ATP6V0B: variants seen among roughly 807,000 people sequenced by gnomAD.
The protein encoded by ATP6V0B is V-type proton ATPase 21 kDa proteolipid subunit c''.
Under a neutral mutation model 26.2 loss-of-function variants are expected in ATP6V0B, and 4 were observed. The observed-to-expected ratio is 0.15, with a 90% CI of 0.08 to 0.35. ATP6V0B has a LOEUF of 0.35. ATP6V0B is among the 10% of genes least tolerant of loss of function. The probability of loss-of-function intolerance (pLI) is 1.00; values close to 1 mark genes in which losing one functional copy is unlikely to be tolerated. For synonymous variants in ATP6V0B, 110 were observed against 105.8 expected (o/e 1.04, Z -0.24); for missense variants, 175 against 272.5 (o/e 0.64, Z 2.52).
chr1:43,976,793 C>T lies in ATP6V0B; in HGVS notation c.369C>T (p.Pro123=). The part of the protein sequence containing the change: ...NMAEPFSATD[P]KAIGHRNYHA... Reference sequence around the variant, plus strand: ...CTCAGCCTTTCAGTGCCACAGACCCCAAGGCCATCGGCCATCGGAACTACC... The same window carrying T: ...CTCAGCCTTTCAGTGCCACAGACCCTAAGGCCATCGGCCATCGGAACTACC... Residue 123 remains proline, a synonymous_variant, in exon 6 of 8, where the codon CCC becomes CCT. Transcript: ENST00000472174. This position sits in a 1 kb window ranked among gnomAD's most constrained non-coding sequence, Gnocchi z 4.6. The T allele has an allele frequency of 6.2e-7, 1 of 1,614,246 alleles. No individual in the cohort carries two copies. Among genetic ancestry groups the T allele is most frequent in the South Asian group, 1.1e-5 (1 of 91,088 alleles).
rs1317769639 is a variant in ATP6V0B at position 43,976,878 on chromosome 1, C to T, written c.400+54C>T. On this transcript the variant is annotated intron_variant, in intron 6 of 7. Coordinates refer to ENST00000472174, the MANE Select transcript of ATP6V0B (RefSeq NM_004047.5). The surrounding 1 kb of genome is among the most constrained non-coding windows in gnomAD (Gnocchi z 4.6). ...TGCTGGGACTTCATGCCTGCTTCCA[C>T]TCTCCCCCATCCCAGCTTGGGCCAT... The T allele has an allele frequency of 6.2e-7, 1 of 1,608,170 alleles. No individual in the cohort carries two copies. Among genetic ancestry groups the T allele is most frequent in the East Asian group, 2.2e-5 (1 of 44,882 alleles).
In ATP6V0B at chr1:43,976,775, T is replaced by A. The variant is rs2085524878; in HGVS notation, c.351T>A (p.Pro117=). ...MAIVISNMAE[P]FSATDPKAIG... is the part of the protein sequence containing the mutation. ...GATTACTTTTCTTCTTCCCTCAGCC[T>A]TTCAGTGCCACAGACCCCAAGGCCA... Residue 117 remains proline, a splice_region_variant and synonymous_variant, in exon 6 of 8, where the codon CCT becomes CCA. Coordinates refer to ENST00000472174, the MANE Select transcript of ATP6V0B (RefSeq NM_004047.5). This position sits in a 1 kb window ranked among gnomAD's most constrained non-coding sequence, Gnocchi z 4.6. 3 of 1,614,186 alleles carry A rather than the reference T, an allele frequency of 1.9e-6. No homozygotes were observed. Among genetic ancestry groups the A allele is most frequent in the Non-Finnish European group, 2.5e-6 (3 of 1,180,026 alleles).
At chr1:43,975,409 C>T (rs2085506814) in intron 1 of ATP6V0B, 2 of 551,416 alleles carry the variant, frequency 3.6e-6, no homozygotes, top group Non-Finnish European at 6.4e-6. Flanking sequence ...CCTGACCGGC[C>T]CGCTCGGTCA....
chr1:43,975,256 C>G (rs2085504569), intron 1 of ATP6V0B, 149 bp downstream of exon 1: 1 of 1,040,616 alleles, frequency 9.6e-7, no homozygotes, highest in East Asian at 3.0e-5. Context: ...GGGCCTCTGA[C>G]TCCGACAAAG....
In ATP6V0B at chr1:43,976,556, T is replaced by C; in HGVS notation, c.279-34T>C. On this transcript the variant is annotated intron_variant, in intron 4 of 7. Coordinates refer to ENST00000472174, the MANE Select transcript of ATP6V0B (RefSeq NM_004047.5). The surrounding 1 kb of genome is among the most constrained non-coding windows in gnomAD (Gnocchi z 4.6). ...GTTTCTTTCTCATTTCTTTCTCCTT[T>C]CCACTCCTTACCCCTAATCTCTACC... is the stretch of plus-strand genomic sequence containing the variant. 1 of 1,610,616 alleles carries C rather than the reference T, an allele frequency of 6.2e-7. No individual in the cohort carries two copies. Among genetic ancestry groups the C allele is most frequent in the Non-Finnish European group, 8.5e-7 (1 of 1,176,888 alleles).
At position 43,976,730 on chromosome 1, in the gene ATP6V0B, G is replaced by A. The variant is rs767136073; in HGVS notation, c.349-43G>A. 1.9e-6 allele frequency: 3 copies of A among 1,613,706 alleles called. No homozygotes were observed. Among genetic ancestry groups the A allele is most frequent in the African/African-American group, 1.3e-5 (1 of 75,006 alleles). On this transcript the variant is annotated intron_variant, in intron 5 of 7. Transcript: ENST00000472174. The surrounding 1 kb of genome is among the most constrained non-coding windows in gnomAD (Gnocchi z 4.6). ...TACACATTCCTTAGAGATTGGATGG[G>A]GTGCATCAGGATGGTTTCTGATTAC...
Position 43,978,231 on chromosome 1 carries a change from C to T in ATP6V0B, c.*224C>T. 1.6e-6 allele frequency: 1 copy of T among 618,202 alleles called. No homozygotes were observed. Among genetic ancestry groups the T allele is most frequent in the Non-Finnish European group, 2.9e-6 (1 of 348,244 alleles). The allele number at this position is 618,202 out of a possible 1,614,324, so 38.3% of individuals were successfully genotyped here. On this transcript the variant is annotated 3_prime_UTR_variant, in exon 8 of 8. Coordinates refer to ENST00000472174, the MANE Select transcript of ATP6V0B (RefSeq NM_004047.5). ...TCTGTGCAGCTGCGCACCTGTGTCC[C>T]CCACCTCCACCCTCAACCCATCTTC...
At chr1:43,975,584 G>C (rs1457225391) in intron 1 of ATP6V0B, 1 of 622,678 alleles carries the variant, frequency 1.6e-6, no homozygotes, top group East Asian at 2.8e-5. Context: ...CCCTGCCTGC[G>C]CAGGTGCTTG....
chr1:43,975,097 G>A lies in ATP6V0B; in HGVS notation c.57G>A (p.Ala19=). ...TCTTCGTGGCCTTCTGGGCCTGCGCGCTGGCCGTGGGTGAGGCCGGGTCCT... is the reference window on the plus strand; with the variant it reads ...TCTTCGTGGCCTTCTGGGCCTGCGCACTGGCCGTGGGTGAGGCCGGGTCCT... ...SGVFVAFWAC[A]LAVGVCYTIF... The change falls in exon 1 of 8, where the codon GCG becomes GCA. Residue 19 remains alanine, a synonymous_variant. Transcript: ENST00000472174. 2 of 1,407,272 alleles carry A rather than the reference G, an allele frequency of 1.4e-6. No homozygotes were observed. Among genetic ancestry groups the A allele is most frequent in the Non-Finnish European group, 1.8e-6 (2 of 1,086,426 alleles). The allele number at this position is 1,407,272 out of a possible 1,614,324, so 87.2% of individuals were successfully genotyped here.
At chr1:43,975,356 T>G (rs2085506234) in intron 1 of ATP6V0B, 4 of 575,060 alleles carry the variant, frequency 7.0e-6, no homozygotes, top group Non-Finnish European at 1.2e-5. Flanking sequence ...TATCGCTGTC[T>G]CCCCTCGCTC....
intron 7 of ATP6V0B, 113 bp downstream of exon 7, chr1:43,977,329 A>C: frequency 6.3e-7 from 1 of 1,585,882 alleles, no homozygotes. Context: ...GATTCCCCCA[A>C]ACAGCTTCCA....
In ATP6V0B at chr1:43,977,320, ATTCCCCCAAACAGC is replaced by A; in HGVS notation, c.591+109_591+122del. On this transcript the variant is annotated intron_variant, in intron 7 of 7. Transcript: ENST00000472174. ...TCTCCTTCTCTACCTATAACTATAG[ATTCCCCCAAACAGC>A]TTCCACCTCCTCATTTCCATCTTCT... is the stretch of plus-strand genomic sequence containing the variant. 2.5e-6 allele frequency: 4 copies of A among 1,599,958 alleles called. No homozygotes were observed. The South Asian group carries it at 4.5e-5, about 18-fold the overall frequency.
At chr1:43,975,129 C>T (rs1289421699) in intron 1 of ATP6V0B, 22 bp downstream of exon 1, 2 of 1,409,682 alleles carry the variant, frequency 1.4e-6, no homozygotes, top group Non-Finnish European at 1.8e-6. Context: ...TCCTGGCGGG[C>T]GGGAGCAGCA....
At chr1:43,977,869 A>G (rs2085540242) in intron 7 of ATP6V0B, 112 bp from the exon 8 acceptor site, 2 of 1,610,798 alleles carry the variant, frequency 1.2e-6, no homozygotes, top group African/African-American at 1.3e-5. Flanking sequence ...TTAGTCATAT[A>G]TCTCTTGTGG....
chr1:43,975,454 G>A (rs1172717707), intron 1 of ATP6V0B: 17 of 546,556 alleles, frequency 3.1e-5, no homozygotes, highest in Non-Finnish European at 5.5e-5. Flanking sequence ...TTTCCCAGTC[G>A]CTTTGCCCTC....
At position 43,977,152 on chromosome 1, in the gene ATP6V0B, T is replaced by C. The variant is rs1379816561; in HGVS notation, c.527T>C (p.Ile176Thr). ...DAQNPSLFVK[I>T]LIVEIFGSAI... ...CAGAACCCCAGCCTCTTTGTAAAGA[T>C]TCTCATCGTGGAGATCTTTGGCAGC... The change falls in exon 7 of 8, where the codon ATT becomes ACT. Residue 176 changes from isoleucine to threonine, a missense_variant. By Grantham distance (89) the Ile-to-Thr change is moderately conservative. Transcript: ENST00000472174. The C allele has an allele frequency of 6.2e-7, 1 of 1,614,258 alleles. No homozygotes were observed. Among genetic ancestry groups the C allele is most frequent in the East Asian group, 2.2e-5 (1 of 44,884 alleles).
rs2085548786 is a variant in ATP6V0B at position 43,978,295 on chromosome 1, A to G, written c.*288A>G. The G allele has an allele frequency of 5.7e-6, 3 of 529,698 alleles. No homozygotes were observed. Among genetic ancestry groups the G allele is most frequent in the Admixed American group, 3.2e-5 (1 of 31,036 alleles). 32.8% of individuals were successfully genotyped at this position (529,698 alleles called of 1,614,324 possible). ...AATAAACTTGGTATTTGTCTGGGTCAGTGCAGCTTCTGTTGCCCTCTTGCG... is the reference window on the plus strand; with the variant it reads ...AATAAACTTGGTATTTGTCTGGGTCGGTGCAGCTTCTGTTGCCCTCTTGCG... On this transcript the variant is annotated 3_prime_UTR_variant, in exon 8 of 8. Transcript: ENST00000472174.
chr1:43,976,467 C>T lies in ATP6V0B; in HGVS notation c.278+88C>T, dbSNP rs925137737. The T allele has an allele frequency of 3.2e-6, 5 of 1,538,828 alleles. No individual in the cohort carries two copies. The highest frequency in any genetic ancestry group is 2.3e-5 in the East Asian group (1 of 44,294). On this transcript the variant is annotated intron_variant, in intron 4 of 7. Transcript: ENST00000472174. This position sits in a 1 kb window ranked among gnomAD's most constrained non-coding sequence, Gnocchi z 4.6. ...GATCTGACATACTGTTTCTGACAAG[C>T]CACCTTGTGGGATGGGATGTTATAG...
intron 1 of ATP6V0B, chr1:43,975,596 T>C (rs1412267192): frequency 4.6e-6 from 3 of 654,290 alleles, no homozygotes; most frequent in Non-Finnish European, 8.1e-6. Flanking sequence ...AGGTGCTTGG[T>C]CTGGGAGGTG....
Sources: gnomAD v4.1 joint callset for allele counts on GRCh38, gnomAD v4.1.1 for gene constraint, Gnocchi (gnomAD v3.1) non-coding constraint, MANE v1.5 for transcripts, NCBI Gene and HGNC (gene_info 2026-07-23, HGNC 2026-07-21) for gene names.